The following CDH18 variants were observed in gnomAD, a reference collection of about 807,000 sequenced individuals.
The protein encoded by CDH18 is cadherin 18.
Under a neutral mutation model 67.9 loss-of-function variants are expected in CDH18, and 31 were observed. The ratio of observed to expected loss-of-function variants is 0.46; its 90% CI spans 0.34 to 0.62. CDH18 has a LOEUF of 0.62. Among genes scored for constraint, CDH18 ranks in the 20% least tolerant of loss-of-function variants. The pLI is 0.01. For missense variants in CDH18, 890 were observed against 975.5 expected (o/e 0.91, Z 1.17); for synonymous variants, 362 against 347.2 (o/e 1.04, Z -0.48).
At chr5:19,652,958 G>A (rs369494166) in intron 5 of CDH18, among the ~76,000 whole-genome samples, 1 of 152,128 alleles carries the variant, frequency 6.6e-6, no homozygotes, top group South Asian at 2.1e-4. Context: ...AGGTTTAGCT[G>A]GTTTACTGAA....
intron 1 of CDH18, among the ~76,000 whole-genome samples, chr5:20,272,538 G>A (rs1447943870): frequency 6.7e-6 from 1 of 148,694 alleles, no homozygotes; most frequent in Non-Finnish European, 1.5e-5. Flanking sequence ...GAAGAAAGTA[G>A]AGCAAGTTCC....
intron 1 of CDH18, among the ~76,000 whole-genome samples, chr5:20,441,868 G>T (rs1198566487): frequency 6.6e-6 from 1 of 151,862 alleles, no homozygotes. Flanking sequence ...ATGACAATCT[G>T]TTGCTTATTA....
At chr5:19,755,401 T>C (rs925564292) in intron 3 of CDH18, among the ~76,000 whole-genome samples, 1 of 116,510 alleles carries the variant, frequency 8.6e-6, no homozygotes, top group Non-Finnish European at 1.8e-5. Context: ...TTAGTCAGTG[T>C]TCTCTAGAGG....
chr5:19,499,216 A>T (rs919343840), intron 11 of CDH18, among the ~76,000 whole-genome samples: 5 of 152,140 alleles, frequency 3.3e-5, no homozygotes, highest in African/African-American at 1.2e-4. Context: ...ATTATGCCAC[A>T]TTTGTTTCTG....
At chr5:19,880,142 T>C (rs180692137) in intron 2 of CDH18, among the ~76,000 whole-genome samples, 3 of 152,048 alleles carry the variant, frequency 2.0e-5, no homozygotes, top group East Asian at 3.9e-4. Context: ...GTAAACTCTA[T>C]ATGTACTTCT....
At chr5:20,053,333 A>G (rs536588309) in intron 2 of CDH18, among the ~76,000 whole-genome samples, 208 of 151,766 alleles carry the variant, frequency 1.4e-3, no homozygotes, top group African/African-American at 4.7e-3. Context: ...ACACACACAA[A>G]GGTCACTCTT....
intron 9 of CDH18, among the ~76,000 whole-genome samples, chr5:19,522,367 T>C (rs1747038629): frequency 6.6e-6 from 1 of 152,060 alleles, no homozygotes; most frequent in Non-Finnish European, 1.5e-5. Context: ...GAAAGACCCA[T>C]ATGCAGAATA....
rs576608668 is a variant in CDH18 at position 20,437,814 on chromosome 5, CAATT to C, written c.-580+137644_-580+137647del. Among the ~76,000 whole-genome samples, 8 of 151,160 alleles carry C rather than the reference CAATT, an allele frequency of 5.3e-5. No homozygotes were observed. The South Asian group carries it at 1.5e-3, about 28-fold the overall frequency. On this transcript the variant is annotated intron_variant, in intron 1 of 14. Transcript: ENST00000507958. ...AAATAATAGCCTTACAGAAAAACCT[CAATT>C]ACTTGAAAATAAAAGTAATATGTAT...
chr5:19,889,954 G>T (rs1249606617), intron 2 of CDH18, among the ~76,000 whole-genome samples: 1 of 152,064 alleles, frequency 6.6e-6, no homozygotes, highest in African/African-American at 2.4e-5. Flanking sequence ...ACAGGAAAAG[G>T]CCAAATGGTT....
chr5:20,513,301 T>G (rs1755158053), intron 1 of CDH18, among the ~76,000 whole-genome samples: 1 of 152,112 alleles, frequency 6.6e-6, no homozygotes, highest in African/African-American at 2.4e-5. Flanking sequence ...CAGCAAAACA[T>G]AAATTAAGAA....
intron 2 of CDH18, among the ~76,000 whole-genome samples, chr5:20,169,221 C>T (rs570354817): frequency 6.6e-6 from 1 of 151,974 alleles, no homozygotes; most frequent in Admixed American, 6.6e-5. Flanking sequence ...ATATCTCATG[C>T]CTGTATCAAT....
At chr5:19,525,905 A>C (rs1386096240) in intron 9 of CDH18, among the ~76,000 whole-genome samples, 2 of 152,128 alleles carry the variant, frequency 1.3e-5, no homozygotes, top group African/African-American at 4.8e-5. Flanking sequence ...TTAAAGCACT[A>C]TTTCTATTAT....
At chr5:20,529,184 A>C (rs894061599) in intron 1 of CDH18, among the ~76,000 whole-genome samples, 2 of 151,954 alleles carry the variant, frequency 1.3e-5, no homozygotes, top group Non-Finnish European at 2.9e-5. Context: ...CCCTCTCAAG[A>C]CTGAACTAGG....
At chr5:19,892,980 C>T (rs1788936824) in intron 2 of CDH18, among the ~76,000 whole-genome samples, 2 of 152,126 alleles carry the variant, frequency 1.3e-5, no homozygotes. Context: ...ATGCTTTTGT[C>T]TCCCCAAAAG....
intron 1 of CDH18, among the ~76,000 whole-genome samples, chr5:20,415,157 G>A (rs184228579): frequency 2.6e-5 from 4 of 151,934 alleles, no homozygotes; most frequent in Admixed American, 6.6e-5. Context: ...AGGCTGAGGC[G>A]GGTGGATTCC....
intron 5 of CDH18, among the ~76,000 whole-genome samples, chr5:19,649,039 T>A (rs982761132): frequency 6.6e-6 from 1 of 152,100 alleles, no homozygotes; most frequent in African/African-American, 2.4e-5. Flanking sequence ...TCTTAAGATA[T>A]TTCAGGTAAG....
intron 2 of CDH18, among the ~76,000 whole-genome samples, chr5:20,211,391 AGT>A (rs1322050712): frequency 6.6e-6 from 1 of 152,144 alleles, no homozygotes; most frequent in African/African-American, 2.4e-5. Flanking sequence ...TGAAGAGAGT[AGT>A]GGTTCTCCCA....
intron 2 of CDH18, among the ~76,000 whole-genome samples, chr5:19,942,697 T>C (rs1022622739): frequency 3.9e-5 from 6 of 152,256 alleles, no homozygotes; most frequent in East Asian, 1.9e-4. Context: ...TAAGGCTTTC[T>C]GGAGACAGAT....
intron 5 of CDH18, among the ~76,000 whole-genome samples, chr5:19,638,969 T>C (rs1753582144): frequency 7.3e-6 from 1 of 136,544 alleles, no homozygotes; most frequent in African/African-American, 2.8e-5. Context: ...GGGAAGTTTT[T>C]TGTTGCTGTT....
Sources: gnomAD v4.1 joint callset for allele counts (sites outside exome capture counted in the v4.1 genomes callset) on GRCh38, gnomAD v4.1.1 for gene constraint, MANE v1.5 for transcripts, NCBI Gene and HGNC (gene_info 2026-07-23, HGNC 2026-07-21) for gene names.